The following PCDHGA7 variants were observed in gnomAD, a reference collection of about 807,000 sequenced individuals.
The protein encoded by PCDHGA7 is protocadherin gamma subfamily A, 7, also known as protocadherin gamma-A7.
Under a neutral mutation model 58.3 loss-of-function variants are expected in PCDHGA7, and 44 were observed. That is an observed-to-expected ratio of 0.75 (90% CI 0.59 to 0.97). The LOEUF is 0.97. Ranked by LOEUF, PCDHGA7 falls within the 50% of genes least tolerant of loss-of-function variation. PCDHGA7 has a pLI of 0.00. For synonymous variants in PCDHGA7, 516 were observed against 504.2 expected, an observed-to-expected ratio of 1.02 and a Z score of -0.31; for missense variants, 1,266 against 1,188.7, an observed-to-expected ratio of 1.06 and a Z score of -0.96.
chr5:141,421,799 A>G (rs778353620), intron 1 of PCDHGA7: 1 of 1,613,860 alleles, frequency 6.2e-7, no homozygotes, highest in South Asian at 1.1e-5. Flanking sequence ...GATGGGGCCA[A>G]GAATCCAGAG....
At chr5:141,394,278 TACTC>T in intron 1 of PCDHGA7, 1 of 1,613,924 alleles carries the variant, frequency 6.2e-7, no homozygotes, top group East Asian at 2.2e-5. Flanking sequence ...CCAGGTCACT[TACTC>T]TGTGACCGAG....
At chr5:141,470,574 CA>C (rs1369567985) in intron 1 of PCDHGA7, among the ~76,000 whole-genome samples, 1 of 152,188 alleles carries the variant, frequency 6.6e-6, no homozygotes, top group Non-Finnish European at 1.5e-5. Flanking sequence ...CAAGCAGGAT[CA>C]ACTTCATAGG....
chr5:141,442,227 T>G (rs953690152), intron 1 of PCDHGA7: 16 of 153,240 alleles, frequency 1.0e-4, no homozygotes, highest in African/African-American at 3.6e-4. Context: ...TTAATTTCCT[T>G]TTTATTCTTC....
chr5:141,431,354 G>C lies in PCDHGA7; in HGVS notation c.2424+46031G>C. 6.2e-7 allele frequency: 1 copy of C among 1,614,036 alleles called. No individual in the cohort carries two copies. Among genetic ancestry groups the C allele is most frequent in the Non-Finnish European group, 8.5e-7 (1 of 1,180,038 alleles). ...GTACCCCGAATTGGTGCTGAAACGC[G>C]CCCTGGACCGCGAAGAAAAGGCTGC... On this transcript the variant is annotated intron_variant, in intron 1 of 3. Transcript: ENST00000518325. This position sits in a 1 kb window ranked among gnomAD's most constrained non-coding sequence, Gnocchi z 4.8.
intron 1 of PCDHGA7, chr5:141,420,319 G>T (rs1393746531): frequency 7.0e-7 from 1 of 1,437,422 alleles, no homozygotes; most frequent in African/African-American, 1.4e-5. Context: ...ATTACAATAT[G>T]CCAATATATT....
intron 1 of PCDHGA7, among the ~76,000 whole-genome samples, chr5:141,452,575 T>A (rs1386847800): frequency 6.6e-6 from 1 of 152,192 alleles, no homozygotes; most frequent in Non-Finnish European, 1.5e-5. Flanking sequence ...CCTTCCCCCT[T>A]TCCATCTTTG....
intron 1 of PCDHGA7, among the ~76,000 whole-genome samples, chr5:141,405,840 A>G (rs1005736499): frequency 6.6e-6 from 1 of 152,188 alleles, no homozygotes; most frequent in African/African-American, 2.4e-5. Flanking sequence ...GTATAAGTTG[A>G]TATCAGTGTG....
At position 141,489,125 on chromosome 5, in the gene PCDHGA7, G is replaced by T. The variant is rs537146985; in HGVS notation, c.2425-5682G>T. 1.1e-4 allele frequency: 77 copies of T among 728,124 alleles called. No individual in the cohort carries two copies. The East Asian group carries it at 1.9e-3, about 18-fold the overall frequency. 45.1% of individuals were successfully genotyped at this position (728,124 alleles called of 1,614,324 possible). A position where few individuals can be genotyped will look rare whatever the true frequency, so the allele number is the denominator to read the frequency against. ...CTGCAAGCAGGCAAACCTCCGAGCAGTTTTTAAGAGGCTGGAAGGAGACAT... is the reference window on the plus strand; with the variant it reads ...CTGCAAGCAGGCAAACCTCCGAGCATTTTTTAAGAGGCTGGAAGGAGACAT... On this transcript the variant is annotated intron_variant, in intron 1 of 3. Coordinates refer to ENST00000518325, the MANE Select transcript of PCDHGA7 (RefSeq NM_018920.4). The surrounding 1 kb of genome is among the most constrained non-coding windows in gnomAD (Gnocchi z 4.5).
intron 1 of PCDHGA7, among the ~76,000 whole-genome samples, chr5:141,450,166 T>TCCCACCACACC (rs1046248061): frequency 2.0e-5 from 3 of 151,062 alleles, no homozygotes; most frequent in African/African-American, 7.3e-5. Flanking sequence ...GCCACCACAC[T>TCCCACCACACC]CCCACCACAC....
At chr5:141,410,676 T>G in intron 1 of PCDHGA7, 1 of 1,550,692 alleles carries the variant, frequency 6.4e-7, no homozygotes, top group African/African-American at 1.4e-5. Flanking sequence ...TTTCTCATAT[T>G]TTAGGCATAC....
intron 1 of PCDHGA7, chr5:141,427,231 G>A (rs1561827383): frequency 2.2e-6 from 1 of 456,612 alleles, no homozygotes; most frequent in African/African-American, 2.0e-5. Flanking sequence ...TATACCATGA[G>A]AGTAGAAGCT....
Position 141,475,871 on chromosome 5 carries a change from A to C in PCDHGA7, c.2425-18936A>C, listed in dbSNP as rs568810142. 35 of 513,270 alleles carry C rather than the reference A, an allele frequency of 6.8e-5. No individual in the cohort carries two copies. The East Asian group carries it at 1.1e-3, about 16-fold the overall frequency. The allele number at this position is 513,270 out of a possible 1,614,324, so 31.8% of individuals were successfully genotyped here. The stretch of plus-strand genomic sequence containing the variant: ...CCCGGCGCTAGCTCATTCTTCGTGC[A>C]GTTATTGGCTGGGACTCTGTGTGCC... On this transcript the variant is annotated intron_variant, in intron 1 of 3. Transcript: ENST00000518325.
chr5:141,426,238 T>C, intron 1 of PCDHGA7: 1 of 158,644 alleles, frequency 6.3e-6, no homozygotes, highest in Admixed American at 5.9e-5. Context: ...AAGCACTTTG[T>C]GAAACATTTT....
chr5:141,405,612 C>T, intron 1 of PCDHGA7: 1 of 557,514 alleles, frequency 1.8e-6, no homozygotes, highest in Non-Finnish European at 3.2e-6. Flanking sequence ...ATAACTGGGA[C>T]TACAGGCACG....
At position 141,489,720 on chromosome 5, in the gene PCDHGA7, G is replaced by T. The variant is rs560729125; in HGVS notation, c.2425-5087G>T. 1.9e-6 allele frequency: 3 copies of T among 1,614,200 alleles called. No individual in the cohort carries two copies. Among genetic ancestry groups the T allele is most frequent in the Middle Eastern group, 1.6e-4 (1 of 6,062 alleles). ...TCCCACTGGACAGTGCCCAGGATCC[G>T]GATGTGGGCACCAATACTGTGAGCT... On this transcript the variant is annotated intron_variant, in intron 1 of 3. Transcript: ENST00000518325. This position sits in a 1 kb window ranked among gnomAD's most constrained non-coding sequence, Gnocchi z 4.5.
chr5:141,490,837 G>A lies in PCDHGA7; in HGVS notation c.2425-3970G>A. On this transcript the variant is annotated intron_variant, in intron 1 of 3. Coordinates refer to ENST00000518325, the MANE Select transcript of PCDHGA7 (RefSeq NM_018920.4). This position sits in a 1 kb window ranked among gnomAD's most constrained non-coding sequence, Gnocchi z 5.4. ...TGAATTGCTGCAGATGCTGCAGATTGTGGTGGGGGTTCGAGACTCCGGCTC... is the reference window on the plus strand; with the variant it reads ...TGAATTGCTGCAGATGCTGCAGATTATGGTGGGGGTTCGAGACTCCGGCTC... The A allele has an allele frequency of 1.9e-6, 3 of 1,613,914 alleles. No homozygotes were observed. The highest frequency in any genetic ancestry group is 2.2e-5 in the South Asian group (2 of 91,072).
intron 1 of PCDHGA7, chr5:141,421,778 G>C (rs756566609): frequency 6.2e-7 from 1 of 1,613,844 alleles, no homozygotes; most frequent in Non-Finnish European, 8.5e-7. Context: ...TTGCAACTGC[G>C]GGGCAGAACG....
intron 1 of PCDHGA7, chr5:141,394,707 C>T (rs1325466311): frequency 1.2e-6 from 2 of 1,613,272 alleles, no homozygotes; most frequent in Non-Finnish European, 1.7e-6. Context: ...GGCGCGAGCC[C>T]TGCTGGACAG....
chr5:141,482,530 C>CA (rs3074545), intron 1 of PCDHGA7, among the ~76,000 whole-genome samples: 3,839 of 76,186 alleles, frequency 0.05, 137 homozygotes, highest in East Asian at 0.1. Context: ...GACAGACATG[C>CA]AAAAAAAAAA....
Sources: gnomAD v4.1 joint callset for allele counts (sites outside exome capture counted in the v4.1 genomes callset) on GRCh38, gnomAD v4.1.1 for gene constraint, Gnocchi (gnomAD v3.1) non-coding constraint, MANE v1.5 for transcripts, NCBI Gene and HGNC (gene_info 2026-07-23, HGNC 2026-07-21) for gene names.